DPF1: variants seen among roughly 807,000 people sequenced by gnomAD.
DPF1 encodes the protein zinc finger protein neuro-d4.
Under a neutral mutation model 58.7 loss-of-function variants are expected in DPF1, and 14 were observed. The ratio of observed to expected loss-of-function variants is 0.24; its 90% confidence interval spans 0.16 to 0.37. DPF1 has a LOEUF of 0.37. DPF1 is among the 10% of genes least tolerant of loss of function. DPF1 has a pLI of 1.00. For synonymous variants in DPF1, 216 were observed against 216.0 expected (o/e 1.00, Z 0.00); for missense variants, 345 against 529.9 (o/e 0.65, Z 3.43).
chr19:38,224,177 G>T lies in DPF1; in HGVS notation c.-35C>A. 1 of 1,430,256 alleles carries T rather than the reference G, an allele frequency of 7.0e-7. No homozygotes were observed. The allele number at this position is 1,430,256 out of a possible 1,614,324, so 88.6% of individuals were successfully genotyped here. A position where few individuals can be genotyped will look rare whatever the true frequency, so the allele number is the denominator to read the frequency against. ...CGGGTCCTGCCCCCAGCAGGTCCCCGCCGGGTCGGTCCTCCCAGCGGTCGG... is the reference window on the plus strand; with the variant it reads ...CGGGTCCTGCCCCCAGCAGGTCCCCTCCGGGTCGGTCCTCCCAGCGGTCGG... On this transcript the variant is annotated 5_prime_UTR_variant, in exon 1 of 12. Coordinates refer to ENST00000355526, the MANE Select transcript of DPF1 (RefSeq NM_001135155.3). This position sits in a 1 kb window ranked among gnomAD's most constrained non-coding sequence, Gnocchi z 4.5.
At chr19:38,216,472 C>A in intron 7 of DPF1, 69 bp from the exon 8 acceptor site, 1 of 1,494,330 alleles carries the variant, frequency 6.7e-7, no homozygotes, top group South Asian at 1.4e-5. Flanking sequence ...CCAGCCTCAG[C>A]CCCAAGGATG....
Position 38,222,535 on chromosome 19 carries a change from C to T in DPF1, c.190+13G>A, listed in dbSNP as rs1967573455. 6.2e-7 allele frequency: 1 copy of T among 1,606,060 alleles called. No homozygotes were observed. The highest frequency in any genetic ancestry group is 1.3e-5 in the African/African-American group (1 of 74,134). ...GGCCCCGCCCCGCCCTGCGCCAGCCCTCCCGGCGGTACCCGGCCCGCGGTG... is the reference window on the plus strand; with the variant it reads ...GGCCCCGCCCCGCCCTGCGCCAGCCTTCCCGGCGGTACCCGGCCCGCGGTG... On this transcript the variant is annotated intron_variant, in intron 2 of 11. Coordinates refer to ENST00000355526, the MANE Select transcript of DPF1 (RefSeq NM_001135155.3). This position sits in a 1 kb window ranked among gnomAD's most constrained non-coding sequence, Gnocchi z 4.9.
chr19:38,215,889 A>G (rs1440719316), intron 9 of DPF1, among the ~76,000 whole-genome samples: 1 of 152,144 alleles, frequency 6.6e-6, no homozygotes, highest in African/African-American at 2.4e-5. Context: ...TCTTGATGCC[A>G]TGCTAAGCAC....
upstream of DPF1, among the ~76,000 whole-genome samples, chr19:38,228,502 C>T (rs1294312389): frequency 6.7e-6 from 1 of 148,686 alleles, no homozygotes; most frequent in African/African-American, 2.4e-5. Context: ...CTTTGTGCGA[C>T]GCCGCGGGCG....
At chr19:38,224,812 C>G (rs1165728905), upstream of DPF1, among the ~76,000 whole-genome samples, 2 of 152,228 alleles carry the variant, frequency 1.3e-5, no homozygotes, top group Admixed American at 1.3e-4. This position sits in a 1 kb window ranked among gnomAD's most constrained non-coding sequence, Gnocchi z 4.5. Context: ...GGTTCAAATC[C>G]TAGCTCTGCC....
At chr19:38,229,060 C>G (rs1967942150), upstream of DPF1, among the ~76,000 whole-genome samples, 2 of 152,044 alleles carry the variant, frequency 1.3e-5, no homozygotes, top group East Asian at 3.9e-4. This position sits in a 1 kb window ranked among gnomAD's most constrained non-coding sequence, Gnocchi z 5.3. Flanking sequence ...TGGGGACCCC[C>G]GACGTCTCAG....
Position 38,222,837 on chromosome 19 carries a change from C to T in DPF1, c.30-129G>A. 1 of 1,274,756 alleles carries T rather than the reference C, an allele frequency of 7.8e-7. No individual in the cohort carries two copies. Among genetic ancestry groups the T allele is most frequent in the Non-Finnish European group, 1.0e-6 (1 of 973,852 alleles). The allele number at this position is 1,274,756 out of a possible 1,614,324, so 79.0% of individuals were successfully genotyped here. ...TGGGCCGACCCCTCCAGCCTCACCT[C>T]TCCCCTCCTCCCACTCCGGGACCCA... is the stretch of plus-strand genomic sequence containing the variant. On this transcript the variant is annotated intron_variant, in intron 1 of 11. Coordinates refer to ENST00000355526, the MANE Select transcript of DPF1 (RefSeq NM_001135155.3). The surrounding 1 kb of genome is among the most constrained non-coding windows in gnomAD (Gnocchi z 4.9).
chr19:38,229,516 TGG>T lies in DPF1; in HGVS notation c.-132+41_-132+42del. 1 of 699,822 alleles carries T rather than the reference TGG, an allele frequency of 1.4e-6. No individual in the cohort carries two copies. Among genetic ancestry groups the T allele is most frequent in the African/African-American group, 2.4e-5 (1 of 41,712 alleles). 43.4% of individuals were successfully genotyped at this position (699,822 alleles called of 1,614,324 possible). A position where few individuals can be genotyped will look rare whatever the true frequency, so the allele number is the denominator to read the frequency against. Reference sequence around the variant, plus strand: ...GGGCGGGCGGGGGAAGGGCTCCTGGTGGGGGGGTCTGGACAGGGGGCGGGGAC... The same window carrying T: ...GGGCGGGCGGGGGAAGGGCTCCTGGTGGGGGTCTGGACAGGGGGCGGGGAC... On this transcript the variant is annotated intron_variant, in intron 1 of 11. Coordinates refer to the DPF1 transcript ENST00000412732. The surrounding 1 kb of genome is among the most constrained non-coding windows in gnomAD (Gnocchi z 5.3).
At chr19:38,216,462 C>A in intron 7 of DPF1, 59 bp from the exon 8 acceptor site, 2 of 1,506,316 alleles carry the variant, frequency 1.3e-6, no homozygotes, top group South Asian at 2.7e-5. Context: ...CACCCTGCCC[C>A]CAGCCTCAGC....
upstream of DPF1, among the ~76,000 whole-genome samples, chr19:38,226,991 TC>T (rs57689405): frequency 0.54 from 71,511 of 133,012 alleles, 19,736 homozygotes; most frequent in African/African-American, 0.65. Flanking sequence ...TTCTTTTATT[TC>T]TCTTCCTTCC....
Position 38,224,072 on chromosome 19 carries a change from C to T in DPF1, c.29+42G>A, listed in dbSNP as rs760226049. ...CCACACACACACAGGCCCGCGTAGA[C>T]CCGCCCGCGCTTCCTCTCCGCCTCC... is the stretch of plus-strand genomic sequence containing the variant. On this transcript the variant is annotated intron_variant, in intron 1 of 11. Transcript: ENST00000355526. The surrounding 1 kb of genome is among the most constrained non-coding windows in gnomAD (Gnocchi z 4.5). The T allele has an allele frequency of 2.0e-6, 3 of 1,495,046 alleles. No individual in the cohort carries two copies. The South Asian group carries it at 4.1e-5, about 21-fold the overall frequency. The allele number at this position is 1,495,046 out of a possible 1,614,324, so 92.6% of individuals were successfully genotyped here.
intron 1 of DPF1, chr19:38,223,824 G>A (rs1049251290): frequency 1.3e-5 from 4 of 314,696 alleles, no homozygotes; most frequent in South Asian, 1.3e-4. Flanking sequence ...CCGCACCCCC[G>A]GGTCATTTCA....
intron 3 of DPF1, among the ~76,000 whole-genome samples, chr19:38,220,508 C>G (rs1967386183): frequency 6.6e-6 from 1 of 151,394 alleles, no homozygotes; most frequent in South Asian, 2.1e-4. Flanking sequence ...GTAGTCCCAG[C>G]TACTCGGGAG....
chr19:38,217,291 T>C (rs1017150457), intron 7 of DPF1, 169 bp downstream of exon 7: 6 of 849,202 alleles, frequency 7.1e-6, no homozygotes, highest in African/African-American at 5.2e-5. Flanking sequence ...CGATGGTTGG[T>C]TGCCATGGCA....
Position 38,222,781 on chromosome 19 carries a change from C to CGGCTGCCGGGCCGCCCA in DPF1, c.30-90_30-74dup, listed in dbSNP as rs1217715326. 2 of 1,432,530 alleles carry CGGCTGCCGGGCCGCCCA rather than the reference C, an allele frequency of 1.4e-6. No homozygotes were observed. The highest frequency in any genetic ancestry group is 1.8e-6 in the Non-Finnish European group (2 of 1,092,958). 88.7% of individuals were successfully genotyped at this position (1,432,530 alleles called of 1,614,324 possible). ...ACAGGGTCGCCCAGCACCCCTTCCC[C>CGGCTGCCGGGCCGCCCA]GGCTGCCGGGCCGCCCAGGCTCGGG... On this transcript the variant is annotated intron_variant, in intron 1 of 11. Transcript: ENST00000355526. The surrounding 1 kb of genome is among the most constrained non-coding windows in gnomAD (Gnocchi z 4.9).
Position 38,222,519 on chromosome 19 carries a change from C to T in DPF1, c.190+29G>A. 6.2e-7 allele frequency: 1 copy of T among 1,604,594 alleles called. No individual in the cohort carries two copies. Among genetic ancestry groups the T allele is most frequent in the Non-Finnish European group, 8.5e-7 (1 of 1,175,926 alleles). The stretch of plus-strand genomic sequence containing the variant: ...GGCGGTGGGGCGGCCTGGCCCCGCC[C>T]CGCCCTGCGCCAGCCCTCCCGGCGG... On this transcript the variant is annotated intron_variant, in intron 2 of 11. Transcript: ENST00000355526. The surrounding 1 kb of genome is among the most constrained non-coding windows in gnomAD (Gnocchi z 4.9).
Position 38,222,798 on chromosome 19 carries a change from A to G in DPF1, c.30-90T>C. ...CCCTTCCCCGGCTGCCGGGCCGCCC[A>G]GGCTCGGGAGGGGTGGGCCGACCCC... On this transcript the variant is annotated intron_variant, in intron 1 of 11. Coordinates refer to ENST00000355526, the MANE Select transcript of DPF1 (RefSeq NM_001135155.3). The surrounding 1 kb of genome is among the most constrained non-coding windows in gnomAD (Gnocchi z 4.9). 7.1e-7 allele frequency: 1 copy of G among 1,415,964 alleles called. No individual in the cohort carries two copies. Among genetic ancestry groups the G allele is most frequent in the Non-Finnish European group, 9.2e-7 (1 of 1,085,168 alleles). The allele number at this position is 1,415,964 out of a possible 1,614,324, so 87.7% of individuals were successfully genotyped here. A position where few individuals can be genotyped will look rare whatever the true frequency, so the allele number is the denominator to read the frequency against.
intron 9 of DPF1, among the ~76,000 whole-genome samples, chr19:38,214,339 C>T (rs1189159050): frequency 3.3e-4 from 50 of 152,338 alleles, no homozygotes; most frequent in Non-Finnish European, 7.3e-5. Flanking sequence ...ACACCCGCAG[C>T]CGCTACCTGC....
chr19:38,213,795 C>G, intron 9 of DPF1, 39 bp from the exon 10 acceptor site: 1 of 1,568,708 alleles, frequency 6.4e-7, no homozygotes, highest in Non-Finnish European at 8.8e-7. Context: ...AGGAGGTCAC[C>G]GTGCCCCTGG....
Sources: allele counts gnomAD v4.1 joint callset (sites outside exome capture counted in the v4.1 genomes callset), GRCh38; gene constraint gnomAD v4.1.1; non-coding constraint Gnocchi (gnomAD v3.1); transcripts MANE v1.5; gene names NCBI Gene and HGNC (gene_info 2026-07-23, HGNC 2026-07-21).